The following AGAP1 variants were observed in gnomAD, a reference collection of about 807,000 sequenced individuals.
AGAP1 encodes the protein ArfGAP with GTPase domain, ankyrin repeat and PH domain 1.
Under a neutral mutation model 105.3 loss-of-function variants are expected in AGAP1, and 29 were observed. That is an observed-to-expected ratio of 0.28 (90% CI 0.21 to 0.38). The LOEUF (loss-of-function observed/expected upper bound fraction) is 0.38. Ranked by LOEUF, AGAP1 falls within the 10% of genes least tolerant of loss-of-function variation. The pLI is 1.00. For missense variants in AGAP1, 998 were observed against 1,165.1 expected, an observed-to-expected ratio of 0.86 and a Z score of 2.09; for synonymous variants, 509 against 485.9, an observed-to-expected ratio of 1.05 and a Z score of -0.63.
Position 235,494,350 on chromosome 2 carries a change from G to T in AGAP1, c.-337G>T, listed in dbSNP as rs1941210405. On this transcript the variant is annotated 5_prime_UTR_variant, in exon 1 of 18. Coordinates refer to ENST00000304032, the MANE Select transcript of AGAP1 (RefSeq NM_001037131.3). The stretch of plus-strand genomic sequence containing the variant: ...GGAGCAGCGCCTAGGGCTGGAAGGC[G>T]GCTGCGGCTCAGGAAGTCACCCGAG... 1 of 144,242 alleles carries T rather than the reference G, an allele frequency of 6.9e-6. No individual in the cohort carries two copies. 8.9% of individuals were successfully genotyped at this position (144,242 alleles called of 1,614,324 possible). A position where few individuals can be genotyped will look rare whatever the true frequency, so the allele number is the denominator to read the frequency against.
intron 9 of AGAP1, chr2:235,852,882 C>T (rs905744393): frequency 1.5e-6 from 2 of 1,352,172 alleles, no homozygotes; most frequent in Non-Finnish European, 1.9e-6. Flanking sequence ...AGGTGAACTC[C>T]AGATCGGCCG....
chr2:235,759,259 C>G (rs1394523447), intron 6 of AGAP1, among the ~76,000 whole-genome samples: 1 of 150,962 alleles, frequency 6.6e-6, no homozygotes. Flanking sequence ...AGCTCCACCT[C>G]CTGGGTTCAC....
At position 235,891,668 on chromosome 2, in the gene AGAP1, G is replaced by A. The variant is rs560025381; in HGVS notation, c.1155+8219G>A. Among the ~76,000 whole-genome samples, 23 of 152,264 alleles carry A rather than the reference G, an allele frequency of 1.5e-4. No homozygotes were observed. Among genetic ancestry groups the A allele is most frequent in the African/African-American group, 5.1e-4 (21 of 41,554 alleles). ...AAGATGTGTGCAGTGAGATTCCTAA[G>A]TGGACCTGGAAGGATGAGCTGAGTG... On this transcript the variant is annotated intron_variant, in intron 10 of 17. Transcript: ENST00000304032. The surrounding 1 kb of genome is among the most constrained non-coding windows in gnomAD (Gnocchi z 4.2).
In AGAP1 at chr2:235,612,834, G is replaced by A. The variant is rs552381004; in HGVS notation, c.164-96345G>A. ...GATCTTGTGGAGGGAATGACCCCACGTCTCTGGATTCTGGCTTCTGCTTCC... is the reference window on the plus strand; with the variant it reads ...GATCTTGTGGAGGGAATGACCCCACATCTCTGGATTCTGGCTTCTGCTTCC... On this transcript the variant is annotated intron_variant, in intron 1 of 17. Coordinates refer to ENST00000304032, the MANE Select transcript of AGAP1 (RefSeq NM_001037131.3). This position sits in a 1 kb window ranked among gnomAD's most constrained non-coding sequence, Gnocchi z 4.3. Among the ~76,000 whole-genome samples, 6 of 152,202 alleles carry A rather than the reference G, an allele frequency of 3.9e-5. No individual in the cohort carries two copies. The highest frequency in any genetic ancestry group is 4.2e-4 in the South Asian group (2 of 4,816).
intron 16 of AGAP1, among the ~76,000 whole-genome samples, chr2:236,107,712 A>G (rs1426689932): frequency 1.3e-5 from 2 of 152,122 alleles, no homozygotes; most frequent in Non-Finnish European, 2.9e-5. Context: ...CAGCCTGCAC[A>G]GGGCAGTGCA....
chr2:235,742,829 G>A (rs1238667114), intron 4 of AGAP1, among the ~76,000 whole-genome samples: 1 of 152,188 alleles, frequency 6.6e-6, no homozygotes, highest in Non-Finnish European at 1.5e-5. Context: ...TGAAGAGCAA[G>A]TCTTACCAGT....
At chr2:235,497,311 T>C (rs971367050) in intron 1 of AGAP1, among the ~76,000 whole-genome samples, 2 of 152,184 alleles carry the variant, frequency 1.3e-5, no homozygotes, top group Admixed American at 6.5e-5. Context: ...TGCTGGCAAC[T>C]AAGCCTGCGC....
At chr2:235,695,978 C>G (rs1465624556) in intron 1 of AGAP1, among the ~76,000 whole-genome samples, 1 of 152,148 alleles carries the variant, frequency 6.6e-6, no homozygotes, top group Non-Finnish European at 1.5e-5. Flanking sequence ...CGAGGAGACA[C>G]TTGCATGGGG....
At position 236,096,796 on chromosome 2, in the gene AGAP1, C is replaced by CT. The variant is rs376265920; in HGVS notation, c.2115-23395dup. On this transcript the variant is annotated intron_variant, in intron 16 of 17. Coordinates refer to ENST00000304032, the MANE Select transcript of AGAP1 (RefSeq NM_001037131.3). This position sits in a 1 kb window ranked among gnomAD's most constrained non-coding sequence, Gnocchi z 4.4. ...ATGGAGTTTCACCGTGTTGGCCAGG[C>CT]TGGTCTCGAGCTCCCAACCTCAAGT... is the stretch of plus-strand genomic sequence containing the variant. Among the ~76,000 whole-genome samples, 42 of 152,092 alleles carry CT rather than the reference C, an allele frequency of 2.8e-4. No homozygotes were observed. The highest frequency in any genetic ancestry group is 9.6e-4 in the African/African-American group (40 of 41,504).
chr2:235,532,711 G>A (rs187089026), intron 1 of AGAP1, among the ~76,000 whole-genome samples: 1 of 152,252 alleles, frequency 6.6e-6, no homozygotes, highest in Admixed American at 6.5e-5. Context: ...ATAAAAAATG[G>A]CAAAAGTTAA....
chr2:235,898,481 C>G (rs866738882), intron 10 of AGAP1, among the ~76,000 whole-genome samples: 1 of 107,468 alleles, frequency 9.3e-6, no homozygotes, highest in Admixed American at 9.5e-5. Context: ...TTCCCCCCCC[C>G]ACCCCCACCC....
chr2:235,894,425 C>T (rs1483612204), intron 10 of AGAP1, among the ~76,000 whole-genome samples: 2 of 152,174 alleles, frequency 1.3e-5, no homozygotes, highest in African/African-American at 4.8e-5. Context: ...GCCCTTCAAG[C>T]CAGTGGTGTG....
intron 6 of AGAP1, among the ~76,000 whole-genome samples, chr2:235,796,511 A>G (rs564125684): frequency 1.4e-4 from 21 of 152,240 alleles, no homozygotes; most frequent in South Asian, 4.2e-4. Flanking sequence ...TAAGAGGCCT[A>G]TTGGAGGTGG....
intron 16 of AGAP1, among the ~76,000 whole-genome samples, chr2:236,103,492 T>G (rs761117572): frequency 2.8e-4 from 42 of 151,634 alleles, no homozygotes; most frequent in Non-Finnish European, 5.6e-4. Flanking sequence ...TTGTTTGTCT[T>G]TCTTTTTTCT....
At position 236,078,145 on chromosome 2, in the gene AGAP1, G is replaced by A. The variant is rs933673033; in HGVS notation, c.2114+28864G>A. Among the ~76,000 whole-genome samples the A allele has an allele frequency of 1.8e-4, 27 of 149,848 alleles. No individual in the cohort carries two copies. Among genetic ancestry groups the A allele is most frequent in the Non-Finnish European group, 3.7e-4 (25 of 67,502 alleles). On this transcript the variant is annotated intron_variant, in intron 16 of 17. Coordinates refer to ENST00000304032, the MANE Select transcript of AGAP1 (RefSeq NM_001037131.3). This position sits in a 1 kb window ranked among gnomAD's most constrained non-coding sequence, Gnocchi z 5.3. The stretch of plus-strand genomic sequence containing the variant: ...GTGTAATCTGAAGTGTGTAGGGCAG[G>A]CCAGCCGGGGGTGTGTGTGTGTGTG...
Position 235,608,925 on chromosome 2 carries a change from C to G in AGAP1, c.164-100254C>G, listed in dbSNP as rs1946038381. On this transcript the variant is annotated intron_variant, in intron 1 of 17. Coordinates refer to ENST00000304032, the MANE Select transcript of AGAP1 (RefSeq NM_001037131.3). This position sits in a 1 kb window ranked among gnomAD's most constrained non-coding sequence, Gnocchi z 5.4. The stretch of plus-strand genomic sequence containing the variant: ...GCTTGTTCTTGACTTCCCCCCCATC[C>G]CTAATACCCCCAACTATGCAAATGA... Among the ~76,000 whole-genome samples, 1 of 151,780 alleles carries G rather than the reference C, an allele frequency of 6.6e-6. No individual in the cohort carries two copies. Among genetic ancestry groups the G allele is most frequent in the Non-Finnish European group, 1.5e-5 (1 of 67,990 alleles).
rs1264133030 is a variant in AGAP1 at position 235,882,818 on chromosome 2, G to A, written c.1051-527G>A. Among the ~76,000 whole-genome samples the A allele has an allele frequency of 6.6e-6, 1 of 151,434 alleles. No homozygotes were observed. The highest frequency in any genetic ancestry group is 1.5e-5 in the Non-Finnish European group (1 of 67,866). ...TAGTTTGTTCTTTCTTTTTCTCTTT[G>A]TCTCTCCTCTCTCTTTCTTTCACTC... On this transcript the variant is annotated intron_variant, in intron 9 of 17. Coordinates refer to ENST00000304032, the MANE Select transcript of AGAP1 (RefSeq NM_001037131.3). This position sits in a 1 kb window ranked among gnomAD's most constrained non-coding sequence, Gnocchi z 4.6.
At chr2:235,743,684 T>C (rs1258541416) in intron 4 of AGAP1, among the ~76,000 whole-genome samples, 1 of 152,216 alleles carries the variant, frequency 6.6e-6, no homozygotes, top group East Asian at 1.9e-4. Context: ...GTTTAACCTG[T>C]TAAAAACTTA....
At chr2:235,784,603 A>AG (rs1956497891) in intron 6 of AGAP1, among the ~76,000 whole-genome samples, 1 of 151,218 alleles carries the variant, frequency 6.6e-6, no homozygotes, top group Admixed American at 6.6e-5. Flanking sequence ...TAAAGCAAAA[A>AG]AAAAAAAAAA....
Sources: gnomAD v4.1 joint callset for allele counts (sites outside exome capture counted in the v4.1 genomes callset) on GRCh38, gnomAD v4.1.1 for gene constraint, Gnocchi (gnomAD v3.1) non-coding constraint, MANE v1.5 for transcripts, NCBI Gene and HGNC (gene_info 2026-07-23, HGNC 2026-07-21) for gene names.